The following ZNF256 variants were observed in gnomAD, a reference collection of about 807,000 sequenced individuals.
ZNF256 encodes zinc finger protein 256, also known as bone marrow zinc finger 3.
ZNF256 carries 4 observed loss-of-function variants against 7.9 expected under a neutral mutation model. That is an observed-to-expected ratio of 0.50 (90% CI 0.25 to 1.15). ZNF256 has a LOEUF of 1.15. Among genes scored for constraint, ZNF256 ranks in the 50% most tolerant of loss-of-function variants. The pLI, the probability that ZNF256 is intolerant of heterozygous loss-of-function variation, is 0.15. For synonymous variants in ZNF256, 260 were observed against 260.4 expected, an observed-to-expected ratio of 1.00 and a Z score of 0.02; for missense variants, 666 against 755.9, an observed-to-expected ratio of 0.88 and a Z score of 1.39.
chr19:57,945,529 G>C (rs1429635527), intron 1 of ZNF256, among the ~76,000 whole-genome samples: 1 of 152,210 alleles, frequency 6.6e-6, no homozygotes, highest in Non-Finnish European at 1.5e-5. Context: ...TTTGTTCTCA[G>C]GCCATCTAAG....
intron 1 of ZNF256, among the ~76,000 whole-genome samples, chr19:57,945,210 T>C (rs2072758813): frequency 6.6e-6 from 1 of 152,082 alleles, no homozygotes; most frequent in Non-Finnish European, 1.5e-5. Flanking sequence ...GCTTATTAAT[T>C]AAAGACAAAT....
intron 2 of ZNF256, 137 bp from the exon 3 acceptor site, chr19:57,942,784 T>A (rs1433069391): frequency 3.0e-6 from 3 of 1,004,864 alleles, no homozygotes; most frequent in Non-Finnish European, 4.4e-6. Flanking sequence ...TGGGTTCAAG[T>A]TGAAGATAGG....
chr19:57,947,341 C>T, intron 1 of ZNF256, 101 bp downstream of exon 1: 1 of 1,153,298 alleles, frequency 8.7e-7, no homozygotes, highest in Non-Finnish European at 1.1e-6. Context: ...CGGCGAGCCC[C>T]CGTGTCCTGT....
At chr19:57,945,148 G>T (rs562258690) in intron 1 of ZNF256, among the ~76,000 whole-genome samples, 1 of 152,218 alleles carries the variant, frequency 6.6e-6, no homozygotes, top group Non-Finnish European at 1.5e-5. Flanking sequence ...GCCCGCCTCG[G>T]CCTCCCAAAG....
Position 57,940,878 on chromosome 19 carries a change from G to T in ZNF256, c.*46C>A, listed in dbSNP as rs545667212. 9.8e-6 allele frequency: 15 copies of T among 1,526,046 alleles called. No homozygotes were observed. The highest frequency in any genetic ancestry group is 1.3e-5 in the Non-Finnish European group (15 of 1,131,084). 94.5% of individuals were successfully genotyped at this position (1,526,046 alleles called of 1,614,324 possible). A position where few individuals can be genotyped will look rare whatever the true frequency, so the allele number is the denominator to read the frequency against. On this transcript the variant is annotated 3_prime_UTR_variant, in exon 3 of 3. Transcript: ENST00000282308. The stretch of plus-strand genomic sequence containing the variant: ...TTTATTTATGTCTGTGAATTTTGCA[G>T]GGACACTTCTCAGTCCGTAACAGCC...
rs929854763 is a variant in ZNF256 at position 57,947,648 on chromosome 19, A to C, written c.-174T>G. The C allele has an allele frequency of 3.6e-6, 2 of 562,286 alleles. No individual in the cohort carries two copies. The highest frequency in any genetic ancestry group is 8.7e-5 in the Admixed American group (2 of 22,890). 34.8% of individuals were successfully genotyped at this position (562,286 alleles called of 1,614,324 possible). A position where few individuals can be genotyped will look rare whatever the true frequency, so the allele number is the denominator to read the frequency against. ...ACCCAGCGCTCCGGGGCTTTCTACC[A>C]AGTAATCAGTCCAGACAAATGCCAA... On this transcript the variant is annotated 5_prime_UTR_variant, in exon 1 of 3. Coordinates refer to ENST00000282308, the MANE Select transcript of ZNF256 (RefSeq NM_005773.3).
In ZNF256 at chr19:57,940,869, A is replaced by G; in HGVS notation, c.*55T>C. ...ACGTATTTATTTATTTATGTCTGTG[A>G]ATTTTGCAGGGACACTTCTCAGTCC... On this transcript the variant is annotated 3_prime_UTR_variant, in exon 3 of 3. Coordinates refer to ENST00000282308, the MANE Select transcript of ZNF256 (RefSeq NM_005773.3). 2 of 1,500,494 alleles carry G rather than the reference A, an allele frequency of 1.3e-6. No individual in the cohort carries two copies. Among genetic ancestry groups the G allele is most frequent in the Non-Finnish European group, 1.8e-6 (2 of 1,111,192 alleles). 92.9% of individuals were successfully genotyped at this position (1,500,494 alleles called of 1,614,324 possible).
chr19:57,946,933 C>T (rs781692082), intron 1 of ZNF256, among the ~76,000 whole-genome samples: 2 of 152,174 alleles, frequency 1.3e-5, no homozygotes, highest in Non-Finnish European at 2.9e-5. Context: ...ACTCTATATA[C>T]CGGCTAACAT....
chr19:57,942,215 G>T lies in ZNF256; in HGVS notation c.593C>A (p.Thr198Asn), dbSNP rs764571584. 1 of 1,614,220 alleles carries T rather than the reference G, an allele frequency of 6.2e-7. No individual in the cohort carries two copies. Among genetic ancestry groups the T allele is most frequent in the Non-Finnish European group, 8.5e-7 (1 of 1,180,040 alleles). ...AAHTRKKSNR[T>N]KSAVAFHSVK... ...ACTGTGAAAGGCCACTGCACTCTTG[G>T]TTCTGTTTGACTTCTTTCTGGTGTG... The change falls in exon 3 of 3, where the codon ACC (threonine) becomes AAC (asparagine). Residue 198 changes from threonine to asparagine, a missense_variant. Transcript: ENST00000282308.
chr19:57,944,831 A>C (rs2072755374), intron 1 of ZNF256, among the ~76,000 whole-genome samples: 1 of 152,252 alleles, frequency 6.6e-6, no homozygotes, highest in African/African-American at 2.4e-5. Flanking sequence ...ACTGCGTCTC[A>C]AAGAACAAAA....
rs2072750698 is a variant in ZNF256, at chr19:57,944,205, C to T, written c.34-145G>A. 16 of 1,193,844 alleles carry T rather than the reference C, an allele frequency of 1.3e-5. No homozygotes were observed. In the South Asian group the frequency reaches 2.2e-4, roughly 16 times the overall value. 74.0% of individuals were successfully genotyped at this position (1,193,844 alleles called of 1,614,324 possible). On this transcript the variant is annotated intron_variant, in intron 1 of 2. Transcript: ENST00000282308. The stretch of plus-strand genomic sequence containing the variant: ...CAGAGGAGAAAGCAGTCAGCTGGTG[C>T]TGTTGTCTCCTAATGGGGCTCTTGG...
rs2072776454 is a variant in ZNF256, at chr19:57,947,566, T to C, written c.-92A>G. The C allele has an allele frequency of 8.4e-7, 1 of 1,190,276 alleles. No homozygotes were observed. The highest frequency in any genetic ancestry group is 1.1e-6 in the Non-Finnish European group (1 of 934,820). The allele number at this position is 1,190,276 out of a possible 1,614,324, so 73.7% of individuals were successfully genotyped here. On this transcript the variant is annotated 5_prime_UTR_variant, in exon 1 of 3. Transcript: ENST00000282308. ...GGCGCCGCCGAGCCTCAGCCACGCC[T>C]CTGTGCAGCGGGGAAGACTCCTCTC... is the stretch of plus-strand genomic sequence containing the variant.
chr19:57,942,483 G>A lies in ZNF256; in HGVS notation c.325C>T (p.Gln109Ter), dbSNP rs1345539871. The change falls in exon 3 of 3, where the codon CAA (glutamine) becomes TAA (stop). Residue 109 changes from glutamine (Q) to a stop codon, truncating the protein, a stop_gained. Coordinates refer to ENST00000282308, the MANE Select transcript of ZNF256 (RefSeq NM_005773.3). LOFTEE classifies it low-confidence loss of function (END_TRUNC). ...LRQILHLVEHQGTHHGQKLYT... is the reference protein window; with the variant it reads ...LRQILHLVEH ...AGTTTCTGACCATGGTGTGTTCCTT[G>A]GTGTTCAACCAAGTGCAAAATCTGT... The A allele has an allele frequency of 6.2e-7, 1 of 1,614,034 alleles. No individual in the cohort carries two copies. The highest frequency in any genetic ancestry group is 1.7e-5 in the Admixed American group (1 of 59,994).
Position 57,940,990 on chromosome 19 carries a change from A to C in ZNF256, c.1818T>G (p.Ser606Arg). ...TGAAGGTAAAAAATTTTCCACAGTC[A>C]CTACACTCATAAGGCCTTTCCCCAC... ...IHSGERPYEC[S>R]DCGKFFTFNS... Residue 606 changes from serine (S) to arginine (R), a missense_variant, in exon 3 of 3, where the codon AGT (serine) becomes AGG (arginine). Coordinates refer to ENST00000282308, the MANE Select transcript of ZNF256 (RefSeq NM_005773.3). 4 of 1,614,178 alleles carry C rather than the reference A, an allele frequency of 2.5e-6. No homozygotes were observed. The highest frequency in any genetic ancestry group is 3.4e-6 in the Non-Finnish European group (4 of 1,180,030).
At chr19:57,944,935 G>A (rs1172394714) in intron 1 of ZNF256, among the ~76,000 whole-genome samples, 12 of 145,916 alleles carry the variant, frequency 8.2e-5, no homozygotes, top group South Asian at 2.1e-4. Flanking sequence ...TTTTTGAGAC[G>A]AAATCTTGCT....
chr19:57,945,052 C>A (rs1023346579), intron 1 of ZNF256, among the ~76,000 whole-genome samples: 1 of 151,980 alleles, frequency 6.6e-6, no homozygotes, highest in Non-Finnish European at 1.5e-5. Context: ...CCCGCCATCA[C>A]GCCTGGCTAA....
At chr19:57,945,813 AC>A (rs2072762819) in intron 1 of ZNF256, among the ~76,000 whole-genome samples, 1 of 152,176 alleles carries the variant, frequency 6.6e-6, no homozygotes, top group South Asian at 2.1e-4. Flanking sequence ...TGCTGCACTT[AC>A]CATCCCCTTG....
In ZNF256 at chr19:57,941,271, G is replaced by C. The variant is rs1477620375; in HGVS notation, c.1537C>G (p.His513Asp). The C allele has an allele frequency of 4.3e-6, 7 of 1,614,186 alleles. No individual in the cohort carries two copies. In the Admixed American group the frequency reaches 1.2e-4, roughly 27 times the overall value. ...CACTCATAAGGCCTTTCTCCAGTGT[G>C]AACTCTCTGGTGTTGAAGGAGCGTA... ...SSTLLQHQRV[H>D]TGERPYECNE... is the part of the protein sequence containing the mutation. The change falls in exon 3 of 3, where the codon CAC (histidine) becomes GAC (aspartate). Residue 513 changes from histidine (H) to aspartate (D), a missense_variant. By Grantham distance (81) the His-to-Asp change is moderately conservative. Transcript: ENST00000282308.
At chr19:57,945,821 C>G (rs1246978012) in intron 1 of ZNF256, among the ~76,000 whole-genome samples, 1 of 152,186 alleles carries the variant, frequency 6.6e-6, no homozygotes, top group African/African-American at 2.4e-5. Flanking sequence ...TTACCATCCC[C>G]TTGAGAGTCA....
Sources: gnomAD v4.1 joint callset for allele counts (sites outside exome capture counted in the v4.1 genomes callset) on GRCh38, gnomAD v4.1.1 for gene constraint, MANE v1.5 for transcripts, NCBI Gene and HGNC (gene_info 2026-07-23, HGNC 2026-07-21) for gene names.